Variants in PXDNL observed in about 807,000 individuals in gnomAD.
PXDNL encodes the protein probable oxidoreductase PXDNL.
PXDNL carries 145 observed loss-of-function variants against 150.8 expected under a neutral mutation model. The ratio of observed to expected loss-of-function variants is 0.96; its 90% CI spans 0.84 to 1.10. PXDNL has a LOEUF of 1.10. Ranked by LOEUF, PXDNL falls within the 50% of genes least tolerant of loss-of-function variation. The pLI is 0.00. For synonymous variants in PXDNL, 757 were observed against 725.7 expected (o/e 1.04, Z -0.69); for missense variants, 2,087 against 1,873.9 (o/e 1.11, Z -2.10).
chr8:51,568,850 A>G (rs1812875243), intron 3 of PXDNL, among the ~76,000 whole-genome samples: 1 of 151,778 alleles, frequency 6.6e-6, no homozygotes, highest in African/African-American at 2.4e-5. Context: ...CACCAAGGTC[A>G]CTGATTCTTT....
chr8:51,604,745 AC>A (rs1383435228), intron 2 of PXDNL, among the ~76,000 whole-genome samples: 3 of 152,206 alleles, frequency 2.0e-5, no homozygotes, highest in African/African-American at 7.2e-5. Flanking sequence ...TAATTTCAAG[AC>A]TTTTTACCAT....
chr8:51,440,479 C>CA (rs1809516199), intron 12 of PXDNL, among the ~76,000 whole-genome samples: 1 of 151,800 alleles, frequency 6.6e-6, no homozygotes, highest in African/African-American at 2.4e-5. Flanking sequence ...ATTCATGTGG[C>CA]AGTGACCTTT....
At chr8:51,573,737 T>C (rs1812992606) in intron 3 of PXDNL, among the ~76,000 whole-genome samples, 1 of 151,806 alleles carries the variant, frequency 6.6e-6, no homozygotes, top group Non-Finnish European at 1.5e-5. Flanking sequence ...TCAAATAAGA[T>C]CCAGGATCTC....
chr8:51,518,960 G>T (rs942461101), intron 4 of PXDNL, among the ~76,000 whole-genome samples: 2 of 152,108 alleles, frequency 1.3e-5, no homozygotes, highest in Non-Finnish European at 2.9e-5. Flanking sequence ...AGACAAAAGG[G>T]ACAGGAAATA....
chr8:51,809,036 G>T (rs1381377579), intron 1 of PXDNL, 145 bp downstream of exon 1: 1 of 794,774 alleles, frequency 1.3e-6, no homozygotes, highest in African/African-American at 1.8e-5. Flanking sequence ...GCAGAACCAT[G>T]AAATTGTTTG....
chr8:51,441,709 G>C (rs1276371730), intron 12 of PXDNL, among the ~76,000 whole-genome samples: 1 of 152,100 alleles, frequency 6.6e-6, no homozygotes, highest in Non-Finnish European at 1.5e-5. Context: ...GATGGTTAGT[G>C]GTATCCATAG....
intron 1 of PXDNL, among the ~76,000 whole-genome samples, chr8:51,772,214 CTCTCTT>C (rs1414012458): frequency 4.5e-4 from 67 of 148,444 alleles, no homozygotes; most frequent in African/African-American, 1.6e-3. Context: ...GTCTCTGTCT[CTCTCTT>C]TCTCTCTCTC....
chr8:51,656,933 A>T (rs1482805230), intron 1 of PXDNL, among the ~76,000 whole-genome samples: 1 of 152,350 alleles, frequency 6.6e-6, no homozygotes, highest in South Asian at 2.1e-4. Context: ...ACATTTCTAT[A>T]TATGTGGATA....
At chr8:51,795,153 T>TAC (rs2037548541) in intron 1 of PXDNL, among the ~76,000 whole-genome samples, 1 of 152,160 alleles carries the variant, frequency 6.6e-6, no homozygotes, top group South Asian at 2.1e-4. Context: ...AAAAAGCTCT[T>TAC]AGAGACCTAC....
At chr8:51,724,289 C>T (rs528992402) in intron 1 of PXDNL, among the ~76,000 whole-genome samples, 120 of 152,142 alleles carry the variant, frequency 7.9e-4, no homozygotes, top group African/African-American at 2.6e-3. Context: ...AGAGGACAGG[C>T]CTATAAGGAA....
intron 2 of PXDNL, among the ~76,000 whole-genome samples, chr8:51,595,021 G>A (rs991427258): frequency 2.6e-5 from 4 of 151,622 alleles, no homozygotes; most frequent in East Asian, 1.9e-4. Context: ...AAAAAGAAGC[G>A]AACAAAACAA....
chr8:51,480,944 A>AC (rs1810589684), intron 6 of PXDNL, among the ~76,000 whole-genome samples: 1 of 152,222 alleles, frequency 6.6e-6, no homozygotes, highest in Admixed American at 6.5e-5. Flanking sequence ...CAGTATAAGA[A>AC]CAGACTAATA....
chr8:51,379,104 TTTAA>T (rs1341535123), intron 17 of PXDNL, among the ~76,000 whole-genome samples: 4 of 152,204 alleles, frequency 2.6e-5, no homozygotes, highest in African/African-American at 9.6e-5. Flanking sequence ...TGGAGATTTT[TTTAA>T]TTAGTTTCCC....
chr8:51,700,591 T>C (rs201031619), intron 1 of PXDNL, among the ~76,000 whole-genome samples: 18 of 96,954 alleles, frequency 1.9e-4, no homozygotes, highest in Middle Eastern at 6.4e-3. Flanking sequence ...TACACACATA[T>C]ACACACATAC....
chr8:51,676,097 G>A (rs1417300276), intron 1 of PXDNL, among the ~76,000 whole-genome samples: 1 of 152,116 alleles, frequency 6.6e-6, no homozygotes, highest in Non-Finnish European at 1.5e-5. Context: ...AGATATAGAT[G>A]GTAAGTCCTC....
At chr8:51,620,838 G>T (rs2130734487) in intron 2 of PXDNL, among the ~76,000 whole-genome samples, 1 of 152,300 alleles carries the variant, frequency 6.6e-6, no homozygotes, top group East Asian at 1.9e-4. Context: ...GGGCCACCAT[G>T]CCTGGCCTTA....
intron 8 of PXDNL, among the ~76,000 whole-genome samples, chr8:51,465,903 CA>C (rs1810194963): frequency 6.6e-6 from 1 of 151,924 alleles, no homozygotes; most frequent in Non-Finnish European, 1.5e-5. Flanking sequence ...CAGATGACAC[CA>C]ATAAATAAGA....
chr8:51,548,784 T>A (rs973086617), intron 4 of PXDNL, among the ~76,000 whole-genome samples: 9 of 152,090 alleles, frequency 5.9e-5, no homozygotes, highest in African/African-American at 2.2e-4. Flanking sequence ...AAACAAGGTA[T>A]TCAGGCAATA....
At chr8:51,715,060 G>C (rs12334832) in intron 1 of PXDNL, among the ~76,000 whole-genome samples, 1 of 152,116 alleles carries the variant, frequency 6.6e-6, no homozygotes, top group Non-Finnish European at 1.5e-5. Flanking sequence ...TCTTTAAAAG[G>C]CCTCTGTTGC....
Sources: allele counts gnomAD v4.1 joint callset (sites outside exome capture counted in the v4.1 genomes callset), GRCh38; gene constraint gnomAD v4.1.1; transcripts MANE v1.5; gene names NCBI Gene and HGNC (gene_info 2026-07-23, HGNC 2026-07-21).